EFNA5: variants seen among roughly 807,000 people sequenced by gnomAD.
EFNA5 encodes ephrin A5.
A neutral mutation model predicts 22.9 loss-of-function variants in EFNA5; 5 were observed. The observed-to-expected ratio is 0.22, with a 90% CI of 0.11 to 0.46. The LOEUF (loss-of-function observed/expected upper bound fraction) is 0.46, where lower values mean the gene tolerates loss of function less well. Ranked by LOEUF, EFNA5 falls within the 20% of genes least tolerant of loss-of-function variation. The probability of loss-of-function intolerance (pLI) is 0.99; values close to 1 mark genes in which losing one functional copy is unlikely to be tolerated. For synonymous variants in EFNA5, 113 were observed against 112.2 expected (o/e 1.01, Z -0.04); for missense variants, 237 against 293.3 (o/e 0.81, Z 1.40).
intron 1 of EFNA5, among the ~76,000 whole-genome samples, chr5:107,525,541 C>T (rs540650681): frequency 1.1e-4 from 16 of 152,208 alleles, no homozygotes; most frequent in African/African-American, 2.6e-4. Context: ...AGTCAATTAA[C>T]ACATATTGTA....
chr5:107,408,560 G>C (rs1748280944), intron 2 of EFNA5, among the ~76,000 whole-genome samples: 1 of 152,026 alleles, frequency 6.6e-6, no homozygotes, highest in African/African-American at 2.4e-5. Flanking sequence ...ATTCCTCAAG[G>C]GGATAAAACC....
chr5:107,630,612 C>T (rs1750230604), intron 1 of EFNA5, among the ~76,000 whole-genome samples: 1 of 151,896 alleles, frequency 6.6e-6, no homozygotes, highest in Admixed American at 6.5e-5. Flanking sequence ...TATGAAGACC[C>T]AGCTCTGTAC....
chr5:107,551,902 C>CT (rs200641998), intron 1 of EFNA5, among the ~76,000 whole-genome samples: 9 of 151,152 alleles, frequency 6.0e-5, no homozygotes, highest in Admixed American at 1.3e-4. Flanking sequence ...AATATGTAAG[C>CT]TTTTAAAAAA....
intron 1 of EFNA5, among the ~76,000 whole-genome samples, chr5:107,636,962 T>C (rs1474914378): frequency 6.6e-6 from 1 of 152,242 alleles, no homozygotes; most frequent in Non-Finnish European, 1.5e-5. Flanking sequence ...AGATTTAAGC[T>C]TTCTGGTTTT....
intron 1 of EFNA5, among the ~76,000 whole-genome samples, chr5:107,482,866 C>CTATA (rs1350047408): frequency 2.3e-5 from 1 of 43,284 alleles, no homozygotes; most frequent in Non-Finnish European, 4.8e-5. Context: ...CTCTCTCTCT[C>CTATA]TCTCTATATA....
chr5:107,629,514 T>C (rs1050694366), intron 1 of EFNA5, among the ~76,000 whole-genome samples: 2 of 151,944 alleles, frequency 1.3e-5, no homozygotes, highest in African/African-American at 4.8e-5. Flanking sequence ...TGGGTGACAA[T>C]GATATGTCAG....
intron 1 of EFNA5, among the ~76,000 whole-genome samples, chr5:107,613,086 T>A (rs138202026): frequency 4.9e-4 from 74 of 152,182 alleles, no homozygotes; most frequent in South Asian, 2.9e-3. Context: ...TTTAACAATT[T>A]TCTTTCGCAA....
At chr5:107,508,975 T>G (rs898093847) in intron 1 of EFNA5, among the ~76,000 whole-genome samples, 3 of 152,210 alleles carry the variant, frequency 2.0e-5, no homozygotes, top group Non-Finnish European at 4.4e-5. Context: ...GTTCCTCGAT[T>G]AAATGGATAT....
rs1480801228 is a variant in EFNA5, at chr5:107,670,473, C to T, written c.125+16G>A. ...AGGCCCGGGTAGCCCTGGCTCTCCG[C>T]CTGTTATCGGCTTACCTGGGGTTGC... On this transcript the variant is annotated intron_variant, in intron 1 of 4. Coordinates refer to ENST00000333274, the MANE Select transcript of EFNA5 (RefSeq NM_001962.3). 1 of 1,553,328 alleles carries T rather than the reference C, an allele frequency of 6.4e-7. No individual in the cohort carries two copies. Among genetic ancestry groups the T allele is most frequent in the South Asian group, 1.2e-5 (1 of 83,982 alleles).
intron 1 of EFNA5, among the ~76,000 whole-genome samples, chr5:107,467,701 T>C (rs927291222): frequency 5.3e-5 from 8 of 151,996 alleles, no homozygotes; most frequent in Non-Finnish European, 1.2e-4. Context: ...AGAAGTAAAA[T>C]ATAAGAGTCA....
At chr5:107,654,564 T>C (rs1750788422) in intron 1 of EFNA5, among the ~76,000 whole-genome samples, 1 of 152,136 alleles carries the variant, frequency 6.6e-6, no homozygotes, top group African/African-American at 2.4e-5. Context: ...AACTGTATAT[T>C]CCATTCACAT....
intron 1 of EFNA5, among the ~76,000 whole-genome samples, chr5:107,487,509 C>T (rs956679433): frequency 6.6e-6 from 1 of 152,180 alleles, no homozygotes; most frequent in Non-Finnish European, 1.5e-5. Flanking sequence ...ATCTGCATGG[C>T]TGTGTCCATG....
chr5:107,520,768 C>A (rs186234953), intron 1 of EFNA5, among the ~76,000 whole-genome samples: 41 of 152,248 alleles, frequency 2.7e-4, no homozygotes, highest in Non-Finnish European at 4.4e-4. Flanking sequence ...CCAGATCTGC[C>A]TTAAGCAGAG....
chr5:107,618,297 A>G (rs947815357), intron 1 of EFNA5, among the ~76,000 whole-genome samples: 10 of 152,230 alleles, frequency 6.6e-5, no homozygotes, highest in Admixed American at 2.6e-4. Flanking sequence ...TAGTAAAAAA[A>G]TGTGTGAGCA....
chr5:107,465,096 G>A (rs1180312739), intron 1 of EFNA5, among the ~76,000 whole-genome samples: 1 of 151,432 alleles, frequency 6.6e-6, no homozygotes, highest in Non-Finnish European at 1.5e-5. Context: ...ACAATTCAAG[G>A]GAAGTTTCCG....
intron 1 of EFNA5, among the ~76,000 whole-genome samples, chr5:107,437,301 C>T (rs1749138694): frequency 1.3e-5 from 2 of 152,124 alleles, no homozygotes; most frequent in African/African-American, 4.8e-5. Flanking sequence ...AAACTGTAGA[C>T]AATAAAGCAG....
rs541650479 is a variant in EFNA5, at chr5:107,377,149, A to G, written c.*4106T>C. The stretch of plus-strand genomic sequence containing the variant: ...GACGCACACACAATGAGTGGCTTCA[A>G]TGGGGTGTCAAGAGTAAGCATGGAG... On this transcript the variant is annotated 3_prime_UTR_variant, in exon 5 of 5. Transcript: ENST00000333274. 4 of 152,344 alleles carry G rather than the reference A, an allele frequency of 2.6e-5. No homozygotes were observed. Among genetic ancestry groups the G allele is most frequent in the South Asian group, 4.1e-4 (2 of 4,824 alleles). 9.4% of individuals were successfully genotyped at this position (152,344 alleles called of 1,614,324 possible).
intron 1 of EFNA5, 140 bp downstream of exon 1, chr5:107,670,349 T>C: frequency 8.5e-7 from 1 of 1,180,252 alleles, no homozygotes; most frequent in Non-Finnish European, 1.1e-6. Flanking sequence ...CGCCGACGCC[T>C]CAAGCCATCA....
At chr5:107,548,809 G>A (rs1561429431) in intron 1 of EFNA5, among the ~76,000 whole-genome samples, 2 of 152,154 alleles carry the variant, frequency 1.3e-5, no homozygotes, top group Admixed American at 1.3e-4. Flanking sequence ...TATGGTGGTA[G>A]GACTAGTACT....
Sources: allele counts gnomAD v4.1 joint callset (sites outside exome capture counted in the v4.1 genomes callset), GRCh38; gene constraint gnomAD v4.1.1; transcripts MANE v1.5; gene names NCBI Gene and HGNC (gene_info 2026-07-23, HGNC 2026-07-21).